ZNF469: variants seen among roughly 807,000 people sequenced by gnomAD.
ZNF469 encodes the protein zinc finger protein 469.
A neutral mutation model predicts 1.0 loss-of-function variants in ZNF469; 1 was observed. The observed-to-expected ratio is 1.00, with a 90% CI of 0.35 to 4.73. The LOEUF (loss-of-function observed/expected upper bound fraction) is 4.73. Among genes scored for constraint, ZNF469 ranks in the 30% most tolerant of loss-of-function variants. The pLI is 0.16. For missense variants in ZNF469, 6,100 were observed against 5,356.3 expected (o/e 1.14, Z -4.33); for synonymous variants, 2,703 against 2,363.4 (o/e 1.14, Z -4.17).
At chr16:88,258,166 T>C in the ZNF469 span, among the ~76,000 whole-genome samples, 2 of 151,930 alleles carry the variant, frequency 1.3e-5, no homozygotes, top group African/African-American at 2.4e-5. Flanking sequence ...GAAAGAAACA[T>C]AATTGAGAAA....
the ZNF469 span, among the ~76,000 whole-genome samples, chr16:88,269,125 C>T: frequency 6.6e-6 from 1 of 152,218 alleles, no homozygotes; most frequent in Non-Finnish European, 1.5e-5. Flanking sequence ...CCATGAGGAG[C>T]AGGTGAAGGT....
Position 88,438,319 on chromosome 16 carries a change from C to G in ZNF469, c.10849C>G (p.Pro3617Ala). 1.9e-6 allele frequency: 3 copies of G among 1,550,156 alleles called. No individual in the cohort carries two copies. The highest frequency in any genetic ancestry group is 2.6e-6 in the Non-Finnish European group (3 of 1,146,872). ...RGQDAEGKRA[P>A]LVFSGKRRAP... is the part of the protein sequence containing the mutation. ...CCAAGATGCGGAGGGAAAGAGGGCTCCTCTCGTGTTCTCAGGGAAACGCAG... is the reference window on the plus strand; with the variant it reads ...CCAAGATGCGGAGGGAAAGAGGGCTGCTCTCGTGTTCTCAGGGAAACGCAG... The change falls in exon 3 of 3, where the codon CCT becomes GCT. Residue 3617 changes from proline to alanine, a missense_variant. Transcript: ENST00000565624.
chr16:88,437,222 G>A lies in ZNF469; in HGVS notation c.9752G>A (p.Ser3251Asn), dbSNP rs1324884803. 5 of 1,549,386 alleles carry A rather than the reference G, an allele frequency of 3.2e-6. No individual in the cohort carries two copies. The highest frequency in any genetic ancestry group is 4.4e-6 in the Non-Finnish European group (5 of 1,146,472). Residue 3251 changes from serine (S) to asparagine (N), a missense_variant, in exon 3 of 3, where the codon AGC (serine) becomes AAC (asparagine). Physicochemically the swap from Ser to Asn is conservative, Grantham distance 46. Coordinates refer to ENST00000565624, the MANE Select transcript of ZNF469 (RefSeq NM_001367624.2). Reference protein sequence around the residue: ...GKRSAGKAAGSPGDPWGQEGE... With the variant: ...GKRSAGKAAGNPGDPWGQEGE... ...CGCTCCGCCGGCAAGGCCGCCGGGA[G>A]CCCGGGAGACCCGTGGGGGCAAGAG...
chr16:88,370,968 C>T, the ZNF469 span, among the ~76,000 whole-genome samples: 2 of 152,220 alleles, frequency 1.3e-5, no homozygotes, highest in South Asian at 2.1e-4. Flanking sequence ...GGGAGGCACG[C>T]GGCCCAGTCA....
the ZNF469 span, among the ~76,000 whole-genome samples, chr16:88,323,789 C>G: frequency 6.6e-6 from 1 of 152,322 alleles, no homozygotes; most frequent in Non-Finnish European, 1.5e-5. Context: ...CTGGCACATG[C>G]CAGACCGCAG....
At chr16:88,124,687 C>T in the ZNF469 span, among the ~76,000 whole-genome samples, 9 of 152,302 alleles carry the variant, frequency 5.9e-5, no homozygotes, top group Non-Finnish European at 8.8e-5. Flanking sequence ...CGGGTTCAAG[C>T]GATTCTCCTG....
At chr16:88,213,460 T>C in the ZNF469 span, among the ~76,000 whole-genome samples, 1 of 152,198 alleles carries the variant, frequency 6.6e-6, no homozygotes, top group African/African-American at 2.4e-5. Flanking sequence ...TTGCACTTAA[T>C]GGACAGGGTT....
At chr16:88,222,672 G>A in the ZNF469 span, among the ~76,000 whole-genome samples, 15 of 152,124 alleles carry the variant, frequency 9.9e-5, no homozygotes, top group Admixed American at 2.0e-4. Context: ...CAGGAGAATC[G>A]CTTGAACCTG....
the ZNF469 span, among the ~76,000 whole-genome samples, chr16:88,376,669 T>TGCC: frequency 6.6e-6 from 1 of 152,228 alleles, no homozygotes; most frequent in African/African-American, 2.4e-5. Flanking sequence ...TGAGCGTGTC[T>TGCC]GGAGAGAGCA....
At chr16:88,114,710 C>G in the ZNF469 span, among the ~76,000 whole-genome samples, 1 of 152,172 alleles carries the variant, frequency 6.6e-6, no homozygotes, top group Admixed American at 6.6e-5. Context: ...GCCTGGCCCC[C>G]AGATGCAGCT....
the ZNF469 span, among the ~76,000 whole-genome samples, chr16:88,134,944 T>A: frequency 6.6e-6 from 1 of 152,268 alleles, no homozygotes; most frequent in Non-Finnish European, 1.5e-5. Context: ...TGTTAACTGA[T>A]TCATTTCATC....
chr16:88,145,647 G>A, the ZNF469 span, among the ~76,000 whole-genome samples: 1 of 152,232 alleles, frequency 6.6e-6, no homozygotes, highest in Non-Finnish European at 1.5e-5. Context: ...GGGGCCCAGT[G>A]AAGACCAGAG....
rs937180195 is a variant in ZNF469, at chr16:88,430,525, C to T, written c.3055C>T (p.Pro1019Ser). The T allele has an allele frequency of 1.2e-5, 18 of 1,455,852 alleles. No homozygotes were observed. The highest frequency in any genetic ancestry group is 4.5e-5 in the African/African-American group (3 of 67,100). 90.2% of individuals were successfully genotyped at this position (1,455,852 alleles called of 1,614,324 possible). A position where few individuals can be genotyped will look rare whatever the true frequency, so the allele number is the denominator to read the frequency against. ...CCGGGTCCCGAGAGCCGCCGCCCTC[C>T]CCGAGGAGACCCGCAGCTCCCGGCG... The part of the protein sequence containing the change: ...APRVPRAAAL[P>S]EETRSSRRRR... Residue 1019 changes from proline (P) to serine (S), a missense_variant, in exon 3 of 3, where the codon CCC becomes TCC. By Grantham distance (74) the Pro-to-Ser change is moderately conservative. Coordinates refer to ENST00000565624, the MANE Select transcript of ZNF469 (RefSeq NM_001367624.2).
the ZNF469 span, among the ~76,000 whole-genome samples, chr16:88,139,509 C>A: frequency 6.6e-6 from 1 of 150,476 alleles, no homozygotes; most frequent in South Asian, 2.1e-4. Context: ...GATCTGAAAC[C>A]TTTTTGCCCC....
intron 2 of ZNF469, among the ~76,000 whole-genome samples, 117 bp from the exon 3 acceptor site, chr16:88,427,228 A>ACGCTG (rs1905749457): frequency 6.6e-6 from 1 of 152,164 alleles, no homozygotes; most frequent in African/African-American, 2.4e-5. Context: ...TGATGGCTGC[A>ACGCTG]CGCAGCCTCT....
chr16:88,331,832 A>C, the ZNF469 span, among the ~76,000 whole-genome samples: 1 of 152,080 alleles, frequency 6.6e-6, no homozygotes, highest in East Asian at 1.9e-4. Flanking sequence ...TATCATCACC[A>C]TCATCACCAC....
At chr16:88,346,082 C>A in the ZNF469 span, among the ~76,000 whole-genome samples, 69 of 152,370 alleles carry the variant, frequency 4.5e-4, no homozygotes, top group African/African-American at 1.4e-3. Context: ...AAGTGCTGAA[C>A]TTCACAGCCG....
At chr16:88,105,783 G>T in the ZNF469 span, among the ~76,000 whole-genome samples, 1 of 152,366 alleles carries the variant, frequency 6.6e-6, no homozygotes, top group African/African-American at 2.4e-5. Flanking sequence ...CCATGACTGG[G>T]TAGGGGGATA....
chr16:88,315,744 C>T, the ZNF469 span, among the ~76,000 whole-genome samples: 1 of 152,206 alleles, frequency 6.6e-6, no homozygotes, highest in African/African-American at 2.4e-5. Flanking sequence ...CAAAGGACAG[C>T]CCTCGACCTC....
Sources: allele counts gnomAD v4.1 joint callset (sites outside exome capture counted in the v4.1 genomes callset), GRCh38; gene constraint gnomAD v4.1.1; transcripts MANE v1.5; gene names NCBI Gene and HGNC (gene_info 2026-07-23, HGNC 2026-07-21).